TRPV4: variants seen among roughly 807,000 people sequenced by gnomAD.
TRPV4 encodes transient receptor potential cation channel subfamily V member 4.
In TRPV4, 58 loss-of-function variants were observed where a neutral mutation model predicts 84.1. The observed-to-expected ratio is 0.69, with a 90% CI of 0.56 to 0.86. The LOEUF (loss-of-function observed/expected upper bound fraction) is 0.86, where lower values mean the gene tolerates loss of function less well. Among genes scored for constraint, TRPV4 ranks in the 40% least tolerant of loss-of-function variants. TRPV4 has a pLI of 0.00. For missense variants in TRPV4, 879 were observed against 1,181.1 expected, an observed-to-expected ratio of 0.74 and a Z score of 3.75; for synonymous variants, 489 against 500.9, an observed-to-expected ratio of 0.98 and a Z score of 0.32.
chr12:109,821,001 T>C (rs1261458084), intron 1 of TRPV4, among the ~76,000 whole-genome samples: 1 of 152,198 alleles, frequency 6.6e-6, no homozygotes, highest in Non-Finnish European at 1.5e-5. Flanking sequence ...ATGCCCCAAC[T>C]TGCGGAGGGT....
intron 1 of TRPV4, among the ~76,000 whole-genome samples, chr12:109,821,314 G>A (rs1712969136): frequency 6.6e-6 from 1 of 152,192 alleles, no homozygotes; most frequent in African/African-American, 2.4e-5. Flanking sequence ...TCGCAGTCCA[G>A]GAGGGAAGGC....
chr12:109,800,936 G>A (rs112123640), intron 4 of TRPV4, among the ~76,000 whole-genome samples, 178 bp from the exon 5 acceptor site: 2 of 152,356 alleles, frequency 1.3e-5, no homozygotes, highest in African/African-American at 4.8e-5. Context: ...GGGATCCATC[G>A]CAGAAGCAGA....
At chr12:109,824,493 C>G (rs141494051) in intron 1 of TRPV4, among the ~76,000 whole-genome samples, 8 of 152,048 alleles carry the variant, frequency 5.3e-5, no homozygotes, top group Admixed American at 3.9e-4. Flanking sequence ...CAGTGGCTCA[C>G]GCCTGTAATC....
At chr12:109,813,535 A>G (rs1194230002) in intron 2 of TRPV4, among the ~76,000 whole-genome samples, 3 of 152,310 alleles carry the variant, frequency 2.0e-5, no homozygotes, top group Non-Finnish European at 2.9e-5. Context: ...GTATAAATGC[A>G]TTTGCATTTG....
At position 109,814,259 on chromosome 12, in the gene TRPV4, AGATG is replaced by A. The variant is rs980724668; in HGVS notation, c.386+148_386+151del. The A allele has an allele frequency of 6.7e-6, 6 of 901,340 alleles. No homozygotes were observed. The highest frequency in any genetic ancestry group is 1.1e-5 in the Non-Finnish European group (6 of 570,818). The allele number at this position is 901,340 out of a possible 1,614,324, so 55.8% of individuals were successfully genotyped here. Reference sequence around the variant, plus strand: ...ATGATATATGGATAGGGAGATGAATAGATGGATGGATAGATGTATGGATGGTTGG... The same window carrying A: ...ATGATATATGGATAGGGAGATGAATAGATGGATAGATGTATGGATGGTTGG... On this transcript the variant is annotated intron_variant, in intron 2 of 15. Transcript: ENST00000261740. The surrounding 1 kb of genome is among the most constrained non-coding windows in gnomAD (Gnocchi z 5.4).
At position 109,798,542 on chromosome 12, in the gene TRPV4, A is replaced by C; in HGVS notation, c.1152+72T>G. 1 of 1,572,106 alleles carries C rather than the reference A, an allele frequency of 6.4e-7. No individual in the cohort carries two copies. Among genetic ancestry groups the C allele is most frequent in the Middle Eastern group, 1.9e-4 (1 of 5,244 alleles). ...GCACGTATTAATAATGAATACCAGC[A>C]GCAGACCCTCGTGTGTGTGTGCAGA... On this transcript the variant is annotated intron_variant, in intron 6 of 15. Transcript: ENST00000261740. This position sits in a 1 kb window ranked among gnomAD's most constrained non-coding sequence, Gnocchi z 5.0.
At chr12:109,803,640 G>A (rs61943774) in intron 3 of TRPV4, among the ~76,000 whole-genome samples, 33,986 of 150,950 alleles carry the variant, frequency 0.23, 4,405 homozygotes, top group South Asian at 0.36. Context: ...TTTTATTTTC[G>A]TAGAGAAGGG....
intron 5 of TRPV4, among the ~76,000 whole-genome samples, chr12:109,799,118 G>A (rs1197015629): frequency 6.6e-6 from 1 of 152,042 alleles, no homozygotes; most frequent in Non-Finnish European, 1.5e-5. Context: ...CGATTTGGAG[G>A]CTGTGAGGGA....
intron 1 of TRPV4, among the ~76,000 whole-genome samples, chr12:109,819,402 T>G (rs1455000760): frequency 6.6e-6 from 1 of 152,104 alleles, no homozygotes; most frequent in Admixed American, 6.5e-5. Flanking sequence ...GGGCCCTTCG[T>G]TCCCGCACGG....
At chr12:109,791,585 C>T (rs975770676) in intron 12 of TRPV4, among the ~76,000 whole-genome samples, 1 of 147,864 alleles carries the variant, frequency 6.8e-6, no homozygotes, top group South Asian at 2.2e-4. Context: ...TGGGTTCAAG[C>T]GATTCTTGTG....
chr12:109,801,552 C>A (rs531342590), intron 4 of TRPV4, among the ~76,000 whole-genome samples: 1 of 152,152 alleles, frequency 6.6e-6, no homozygotes, highest in Non-Finnish European at 1.5e-5. Context: ...CCCAGCCCTG[C>A]GGAACTGTGA....
chr12:109,809,039 CA>C (rs1335610068), intron 2 of TRPV4, among the ~76,000 whole-genome samples: 1 of 117,078 alleles, frequency 8.5e-6, no homozygotes, highest in Non-Finnish European at 1.9e-5. Flanking sequence ...TCCACCCACC[CA>C]TCCATCCATC....
At chr12:109,828,179 CCTT>C (rs1892319184) in intron 1 of TRPV4, among the ~76,000 whole-genome samples, 1 of 152,200 alleles carries the variant, frequency 6.6e-6, no homozygotes, top group Admixed American at 6.5e-5. Context: ...GCCCCCGCCT[CCTT>C]CTGTGGCCTT....
In TRPV4 at chr12:109,804,663, T is replaced by C. The variant is rs1203791182; in HGVS notation, c.560-1520A>G. The stretch of plus-strand genomic sequence containing the variant: ...AGTCTCAGCCCTTCCAGGAGCAGGG[T>C]TGTTTGGGACAAGTCTTGTTCCCAG... On this transcript the variant is annotated intron_variant, in intron 3 of 15. Coordinates refer to ENST00000261740, the MANE Select transcript of TRPV4 (RefSeq NM_021625.5). 2.6e-5 allele frequency among the ~76,000 whole-genome samples: 4 copies of C among 152,062 alleles called. 1 individual carries two copies. The South Asian group carries it at 6.2e-4, about 24-fold the overall frequency.
chr12:109,800,797 CA>C, intron 4 of TRPV4, 39 bp from the exon 5 acceptor site: 1 of 1,595,808 alleles, frequency 6.3e-7, no homozygotes, highest in Non-Finnish European at 8.5e-7. Context: ...CCTGGCGGAG[CA>C]GAGACCTAGC....
At chr12:109,825,254 T>C (rs1892221183) in intron 1 of TRPV4, among the ~76,000 whole-genome samples, 1 of 152,022 alleles carries the variant, frequency 6.6e-6, no homozygotes, top group African/African-American at 2.4e-5. Context: ...AGAGCTATTG[T>C]GAGGATTAAA....
In TRPV4 at chr12:109,803,095, C is replaced by A. The variant is rs1890912712; in HGVS notation, c.608G>T (p.Ser203Ile). The A allele has an allele frequency of 6.2e-7, 1 of 1,614,060 alleles. No individual in the cohort carries two copies. Among genetic ancestry groups the A allele is most frequent in the Non-Finnish European group, 8.5e-7 (1 of 1,180,054 alleles). ...AGGGATGGTGTCGTTGCGGCCATTG[C>A]TCAGGTTCAGCAAGGCCTTGGGCAG... ...TCLPKALLNL[S>I]NGRNDTIPVL... The change falls in exon 4 of 16, where the codon AGC (serine) becomes ATC (isoleucine). Residue 203 changes from serine (S) to isoleucine (I), a missense_variant. Ser to Ile is a moderately radical substitution (Grantham distance 142). Coordinates refer to ENST00000261740, the MANE Select transcript of TRPV4 (RefSeq NM_021625.5).
Position 109,815,899 on chromosome 12 carries a change from T to C in TRPV4, c.-31-1072A>G, listed in dbSNP as rs1357674255. 6.6e-6 allele frequency among the ~76,000 whole-genome samples: 1 copy of C among 152,194 alleles called. No homozygotes were observed. Among genetic ancestry groups the C allele is most frequent in the Non-Finnish European group, 1.5e-5 (1 of 68,018 alleles). On this transcript the variant is annotated intron_variant, in intron 1 of 15. Coordinates refer to ENST00000261740, the MANE Select transcript of TRPV4 (RefSeq NM_021625.5). This position sits in a 1 kb window ranked among gnomAD's most constrained non-coding sequence, Gnocchi z 4.1. The stretch of plus-strand genomic sequence containing the variant: ...ATGTCTCTCTGGCTCCCGGGTCCAG[T>C]GCTTAGCCAGGAGCCAGGGCAAGGG...
rs757284253 is a variant in TRPV4 at position 109,794,342 on chromosome 12, G to A, written c.1478C>T (p.Pro493Leu). 1.8e-5 allele frequency: 29 copies of A among 1,612,256 alleles called. No individual in the cohort carries two copies. The highest frequency in any genetic ancestry group is 2.3e-5 in the Non-Finnish European group (27 of 1,180,042). ...VIFTLTAYYQ[P>L]LEGTPPYPYR... ...CCGGGCACTCACTGTGCCCTCCAGC[G>A]GCTGGTAGTAGGCGGTGAGAGTGAA... is the stretch of plus-strand genomic sequence containing the variant. The change falls in exon 8 of 16, where the codon CCG becomes CTG. Residue 493 changes from proline (P) to leucine (L), a missense_variant. Coordinates refer to ENST00000261740, the MANE Select transcript of TRPV4 (RefSeq NM_021625.5).
Sources: allele counts gnomAD v4.1 joint callset (sites outside exome capture counted in the v4.1 genomes callset), GRCh38; gene constraint gnomAD v4.1.1; non-coding constraint Gnocchi (gnomAD v3.1); transcripts MANE v1.5; gene names NCBI Gene and HGNC (gene_info 2026-07-23, HGNC 2026-07-21).